IGSF10: variants seen among roughly 807,000 people sequenced by gnomAD.
The protein encoded by IGSF10 is immunoglobulin superfamily member 10.
IGSF10 carries 126 observed loss-of-function variants against 128.2 expected under a neutral mutation model. The observed-to-expected ratio is 0.98, with a 90% CI of 0.85 to 1.14. IGSF10 has a LOEUF of 1.14. IGSF10 is among the 50% of genes most tolerant of loss of function. IGSF10 has a pLI of 0.00. For missense variants in IGSF10, 3,295 were observed against 3,149.8 expected, an observed-to-expected ratio of 1.05 and a Z score of -1.10; for synonymous variants, 1,185 against 1,146.2, an observed-to-expected ratio of 1.03 and a Z score of -0.68.
At chr3:151,517,412 C>T in the IGSF10 span, among the ~76,000 whole-genome samples, 1 of 151,956 alleles carries the variant, frequency 6.6e-6, no homozygotes, top group Non-Finnish European at 1.5e-5. Flanking sequence ...ACTCCAAACT[C>T]TTGGTATTAT....
At chr3:151,578,099 C>T in the IGSF10 span, among the ~76,000 whole-genome samples, 112 of 152,216 alleles carry the variant, frequency 7.4e-4, no homozygotes, top group African/African-American at 2.6e-3. Flanking sequence ...CAATGCATTA[C>T]TGTGTAGCCA....
intron 7 of IGSF10, among the ~76,000 whole-genome samples, 153 bp from the exon 8 acceptor site, chr3:151,438,750 G>GAT (rs1163647438): frequency 6.6e-6 from 1 of 151,160 alleles, no homozygotes; most frequent in East Asian, 1.9e-4. Flanking sequence ...TTTTGAGAGA[G>GAT]ATATATATAC....
chr3:151,584,379 G>A, the IGSF10 span, among the ~76,000 whole-genome samples: 1 of 152,030 alleles, frequency 6.6e-6, no homozygotes, highest in Non-Finnish European at 1.5e-5. Flanking sequence ...CTTTTAATGA[G>A]GCCATTTAGA....
At chr3:151,463,523 G>GTTTTTTTTTTTTTGTTTTTTTTTT (rs1722144272), upstream of IGSF10, among the ~76,000 whole-genome samples, 1 of 31,272 alleles carries the variant, frequency 3.2e-5, no homozygotes, top group African/African-American at 1.2e-4. Context: ...ACATTTTCTG[G>GTTTTTTTTTTTTTGTTTTTTTTTT]TTTTTTTTTT....
At chr3:151,585,727 GATATA>G in the IGSF10 span, among the ~76,000 whole-genome samples, 1,107 of 151,954 alleles carry the variant, frequency 7.3e-3, 15 homozygotes, top group African/African-American at 0.025. Flanking sequence ...TTTCTAATAA[GATATA>G]ATATATTTTA....
At chr3:151,513,481 G>C in the IGSF10 span, among the ~76,000 whole-genome samples, 1,273 of 152,188 alleles carry the variant, frequency 8.4e-3, 19 homozygotes, top group African/African-American at 0.03. Context: ...AAAATAATAA[G>C]AGCTATCTAT....
chr3:151,604,546 C>T, the IGSF10 span, among the ~76,000 whole-genome samples: 1 of 150,948 alleles, frequency 6.6e-6, no homozygotes, highest in Non-Finnish European at 1.5e-5. Context: ...TCCCCCAGTA[C>T]ATGTTGGGAG....
the IGSF10 span, among the ~76,000 whole-genome samples, chr3:151,572,972 C>A: frequency 2.0e-5 from 3 of 152,252 alleles, no homozygotes; most frequent in South Asian, 4.1e-4. Flanking sequence ...TTTCTGTCTT[C>A]ATTTCATTAT....
chr3:151,593,344 G>A, the IGSF10 span, among the ~76,000 whole-genome samples: 1 of 151,994 alleles, frequency 6.6e-6, no homozygotes, highest in African/African-American at 2.4e-5. Flanking sequence ...ACTCCTGAGC[G>A]CAAGCGATCA....
chr3:151,513,772 G>A, the IGSF10 span, among the ~76,000 whole-genome samples: 15 of 152,252 alleles, frequency 9.9e-5, no homozygotes, highest in South Asian at 4.1e-4. Context: ...CTTCAGCAAC[G>A]TCTCAGGATA....
At chr3:151,511,340 C>A in the IGSF10 span, among the ~76,000 whole-genome samples, 2 of 152,080 alleles carry the variant, frequency 1.3e-5, no homozygotes. Flanking sequence ...AATTTCCAAC[C>A]CAGAATTTCA....
the IGSF10 span, among the ~76,000 whole-genome samples, chr3:151,594,600 G>A: frequency 1.3e-5 from 2 of 149,776 alleles, no homozygotes; most frequent in African/African-American, 4.9e-5. Flanking sequence ...GGGATTACAG[G>A]CTTGAGCCAC....
chr3:151,441,427 A>AT (rs571321307), intron 7 of IGSF10, among the ~76,000 whole-genome samples: 4 of 152,192 alleles, frequency 2.6e-5, no homozygotes, highest in Admixed American at 6.5e-5. Context: ...AATTTAGGTG[A>AT]TTTTTGATGA....
At chr3:151,495,744 A>G in the IGSF10 span, among the ~76,000 whole-genome samples, 1 of 152,224 alleles carries the variant, frequency 6.6e-6, no homozygotes, top group Non-Finnish European at 1.5e-5. Flanking sequence ...CATGAGCCAA[A>G]TATTGAGGAT....
downstream of IGSF10, chr3:151,435,776 AAC>A (rs956419878): frequency 6.6e-6 from 1 of 152,180 alleles, no homozygotes; most frequent in East Asian, 1.9e-4. Flanking sequence ...GAATTACAAA[AAC>A]ACATTTTGTG....
chr3:151,548,885 T>A, the IGSF10 span, among the ~76,000 whole-genome samples: 1 of 152,038 alleles, frequency 6.6e-6, no homozygotes, highest in Non-Finnish European at 1.5e-5. Context: ...CCAAACATTA[T>A]TTTTCTAATT....
chr3:151,556,376 G>A, the IGSF10 span, among the ~76,000 whole-genome samples: 28 of 152,260 alleles, frequency 1.8e-4, no homozygotes, highest in Admixed American at 1.4e-3. Context: ...CACTCAATGA[G>A]CACACTTTCC....
In IGSF10 at chr3:151,443,773, G is replaced by A. The variant is rs1422970456; in HGVS notation, c.5174C>T (p.Ala1725Val). ...GTGGTCTGTGCCAAACAGATTGGAT[G>A]CGGAACACAAGTACTGTCCGCGGTC... ...IQDRGQYLCS[A>V]SNLFGTDHLH... The change falls in exon 7 of 8, where the codon GCA becomes GTA. Residue 1725 changes from alanine to valine, a missense_variant. Coordinates refer to ENST00000282466, the MANE Select transcript of IGSF10 (RefSeq NM_178822.5). 1.2e-6 allele frequency: 2 copies of A among 1,614,038 alleles called. No individual in the cohort carries two copies. Among genetic ancestry groups the A allele is most frequent in the African/African-American group, 2.7e-5 (2 of 74,906 alleles).
chr3:151,460,725 C>T (rs113063393), intron 1 of IGSF10, among the ~76,000 whole-genome samples: 328 of 151,814 alleles, frequency 2.2e-3, no homozygotes, highest in African/African-American at 7.5e-3. Flanking sequence ...TGTCTTTCCT[C>T]AGTGTGTGTT....
Sources: allele counts gnomAD v4.1 joint callset (sites outside exome capture counted in the v4.1 genomes callset), GRCh38; gene constraint gnomAD v4.1.1; transcripts MANE v1.5; gene names NCBI Gene and HGNC (gene_info 2026-07-23, HGNC 2026-07-21).